The following TENM3 variants were observed in gnomAD, a reference collection of about 807,000 sequenced individuals.
TENM3 encodes teneurin-3.
Under a neutral mutation model 255.1 loss-of-function variants are expected in TENM3, and 63 were observed. The observed-to-expected ratio is 0.25, with a 90% CI of 0.20 to 0.30. TENM3 has a LOEUF of 0.30. TENM3 is among the 10% of genes least tolerant of loss of function. TENM3 has a pLI of 1.00. For synonymous variants in TENM3, 1,306 were observed against 1,322.3 expected (o/e 0.99, Z 0.27); for missense variants, 2,929 against 3,461.1 (o/e 0.85, Z 3.86).
chr4:182,794,201 C>T (rs897681977), intron 26 of TENM3, among the ~76,000 whole-genome samples: 1 of 152,174 alleles, frequency 6.6e-6, no homozygotes, highest in African/African-American at 2.4e-5. Context: ...AAATTGGAGT[C>T]CCAATCCCAG....
At chr4:181,907,038 C>G in the TENM3 span, among the ~76,000 whole-genome samples, 1 of 152,110 alleles carries the variant, frequency 6.6e-6, no homozygotes, top group Non-Finnish European at 1.5e-5. Context: ...ACCACCACAC[C>G]CAGCACATGC....
At chr4:181,472,442 G>A in the TENM3 span, among the ~76,000 whole-genome samples, 2 of 152,034 alleles carry the variant, frequency 1.3e-5, no homozygotes, top group Non-Finnish European at 2.9e-5. Context: ...ACAGCAAGTA[G>A]AGAGCAGGAA....
chr4:181,467,241 T>C, the TENM3 span, among the ~76,000 whole-genome samples: 1 of 147,654 alleles, frequency 6.8e-6, no homozygotes, highest in African/African-American at 2.5e-5. Context: ...GCAATTCTCC[T>C]TGTCTCAGCC....
chr4:181,888,802 G>C, the TENM3 span, among the ~76,000 whole-genome samples: 1 of 151,258 alleles, frequency 6.6e-6, no homozygotes, highest in East Asian at 2.0e-4. Context: ...TAGTTTGAAG[G>C]CCTGAGAACC....
the TENM3 span, among the ~76,000 whole-genome samples, chr4:181,724,783 G>A: frequency 6.7e-4 from 102 of 152,184 alleles, 2 homozygotes; most frequent in East Asian, 0.019. Flanking sequence ...TTGTCTCTGG[G>A]GAAATCAGGC....
At chr4:181,817,054 C>T in the TENM3 span, among the ~76,000 whole-genome samples, 9 of 152,214 alleles carry the variant, frequency 5.9e-5, no homozygotes, top group African/African-American at 1.9e-4. Context: ...GAACTCAGGA[C>T]TCCACTCTAA....
chr4:182,133,401 G>A, the TENM3 span, among the ~76,000 whole-genome samples: 2,326 of 152,074 alleles, frequency 0.015, 48 homozygotes, highest in African/African-American at 0.052. Flanking sequence ...ATATTTATTC[G>A]GGATTTCTAT....
intron 2 of TENM3, among the ~76,000 whole-genome samples, chr4:182,327,426 T>A (rs905745623): frequency 6.6e-6 from 1 of 152,184 alleles, no homozygotes; most frequent in Non-Finnish European, 1.5e-5. Context: ...AGGGTTTCCG[T>A]TGGTGCGATT....
At chr4:181,550,487 G>A in the TENM3 span, among the ~76,000 whole-genome samples, 6 of 152,184 alleles carry the variant, frequency 3.9e-5, no homozygotes, top group Non-Finnish European at 7.3e-5. Context: ...TGAACAGTAT[G>A]AATTGATGGT....
At chr4:181,640,136 A>T in the TENM3 span, among the ~76,000 whole-genome samples, 4 of 152,146 alleles carry the variant, frequency 2.6e-5, no homozygotes, top group Admixed American at 2.6e-4. Context: ...AAGGGGCTTT[A>T]GTGAGTTCTG....
chr4:181,456,113 GTATA>G, the TENM3 span, among the ~76,000 whole-genome samples: 1 of 79,516 alleles, frequency 1.3e-5, no homozygotes, highest in Non-Finnish European at 3.0e-5. Flanking sequence ...GTGTGTGTGT[GTATA>G]TATATATATA....
intron 1 of TENM3, among the ~76,000 whole-genome samples, chr4:182,155,797 A>G (rs7688599): frequency 0.28 from 43,046 of 151,984 alleles, 6,651 homozygotes; most frequent in Admixed American, 0.38. Context: ...TCATTGTCTG[A>G]TCGAGAAACA....
intron 22 of TENM3, among the ~76,000 whole-genome samples, chr4:182,769,240 G>C (rs975433998): frequency 6.6e-6 from 1 of 152,142 alleles, no homozygotes; most frequent in Non-Finnish European, 1.5e-5. Flanking sequence ...TTCTTCTTTT[G>C]TGGAGGTAAA....
At chr4:182,518,650 T>A (rs2151765030) in intron 3 of TENM3, among the ~76,000 whole-genome samples, 2 of 152,134 alleles carry the variant, frequency 1.3e-5, no homozygotes, top group East Asian at 3.9e-4. Flanking sequence ...TGCAAGGAAA[T>A]CCCCAAACTC....
chr4:182,559,127 A>ATTTTTTTTTT (rs70956518), intron 3 of TENM3, among the ~76,000 whole-genome samples: 1 of 107,480 alleles, frequency 9.3e-6, no homozygotes, highest in Non-Finnish European at 1.8e-5. Context: ...ATTCCTCGGG[A>ATTTTTTTTTT]TTTTTTTTTT....
At chr4:182,522,596 A>T (rs1738697678) in intron 3 of TENM3, among the ~76,000 whole-genome samples, 1 of 152,294 alleles carries the variant, frequency 6.6e-6, no homozygotes, top group South Asian at 2.1e-4. Context: ...ATTTGTTTTA[A>T]ATTTTACTTT....
chr4:181,463,271 T>G, the TENM3 span, among the ~76,000 whole-genome samples: 1 of 152,234 alleles, frequency 6.6e-6, no homozygotes, highest in Non-Finnish European at 1.5e-5. Flanking sequence ...TCCCTGATGC[T>G]TATGCTGGTT....
At chr4:181,557,164 C>T in the TENM3 span, among the ~76,000 whole-genome samples, 1 of 152,154 alleles carries the variant, frequency 6.6e-6, no homozygotes, top group Non-Finnish European at 1.5e-5. Context: ...ATAACAGGCT[C>T]ATAGCATTAT....
chr4:182,144,373 C>T (rs1447556298), upstream of TENM3: 5 of 152,800 alleles, frequency 3.3e-5, no homozygotes, highest in East Asian at 1.9e-4. Context: ...CCTCGCCTCC[C>T]CGGTCCTCCC....
Sources: gnomAD v4.1 joint callset for allele counts (sites outside exome capture counted in the v4.1 genomes callset) on GRCh38, gnomAD v4.1.1 for gene constraint, MANE v1.5 for transcripts, NCBI Gene and HGNC (gene_info 2026-07-23, HGNC 2026-07-21) for gene names.